Variants in DCC observed in about 807,000 individuals in gnomAD.
DCC encodes the protein DCC netrin 1 receptor.
In DCC, 58 loss-of-function variants were observed where a neutral mutation model predicts 172.5. The ratio of observed to expected loss-of-function variants is 0.34; its 90% CI spans 0.27 to 0.42. DCC has a LOEUF of 0.42. DCC is among the 10% of genes least tolerant of loss of function. The probability of loss-of-function intolerance (pLI) is 1.00; values close to 1 mark genes in which losing one functional copy is unlikely to be tolerated. For synonymous variants in DCC, 709 were observed against 644.5 expected, an observed-to-expected ratio of 1.10 and a Z score of -1.52; for missense variants, 1,740 against 1,791.0, an observed-to-expected ratio of 0.97 and a Z score of 0.51.
chr18:53,454,048 G>GA (rs1325651208), intron 23 of DCC, among the ~76,000 whole-genome samples: 21 of 152,206 alleles, frequency 1.4e-4, no homozygotes, highest in Middle Eastern at 3.4e-3. Context: ...ATCTAATACA[G>GA]AAAAAATTAT....
rs2057806104 is a variant in DCC at position 53,351,418 on chromosome 18, C to CTGTGTATATATATATAT, written c.2359+11511_2359+11512insTGTGTATATATATATAT. ...TATACAGTGTATATATATATATATA[C>CTGTGTATATATATATAT]ACACTGTGTATATATATATACAGTG... On this transcript the variant is annotated intron_variant, in intron 15 of 28. Transcript: ENST00000442544. Among the ~76,000 whole-genome samples, 25 of 19,278 alleles carry CTGTGTATATATATATAT rather than the reference C, an allele frequency of 1.3e-3. 4 individuals are homozygous for CTGTGTATATATATATAT. The highest frequency in any genetic ancestry group is 5.8e-3 in the South Asian group (3 of 516). The allele number at this position is 19,278 out of a possible 152,430, so 12.6% of individuals were successfully genotyped here.
Position 53,106,149 on chromosome 18 carries a change from A to G in DCC, c.1261+39983A>G, listed in dbSNP as rs552228283. ...ATCAGATTGTTTTCTCTTTCTTTCT[A>G]TTGAACTCTTTGGCAATTGGGCTTG... On this transcript the variant is annotated intron_variant, in intron 7 of 28. Coordinates refer to ENST00000442544, the MANE Select transcript of DCC (RefSeq NM_005215.4). Among the ~76,000 whole-genome samples, 14 of 151,904 alleles carry G rather than the reference A, an allele frequency of 9.2e-5. No homozygotes were observed. The East Asian group carries it at 1.2e-3, about 13-fold the overall frequency.
At position 53,435,162 on chromosome 18, in the gene DCC, G is replaced by A. The variant is rs150829547; in HGVS notation, c.3182G>A (p.Gly1061Asp). The A allele has an allele frequency of 6.2e-7, 1 of 1,611,418 alleles. No homozygotes were observed. Among genetic ancestry groups the A allele is most frequent in the Admixed American group, 1.7e-5 (1 of 60,016 alleles). ...TGAACAGGTCGTCATGGAGATGGAG[G>A]TTATTGGCCAGTTGATACTAATTTG... is the stretch of plus-strand genomic sequence containing the variant. ...ANDQGRHGDG[G>D]YWPVDTNLID... The change falls in exon 22 of 29, where the codon GGT (glycine) becomes GAT (aspartate). Residue 1061 changes from glycine to aspartate, a missense_variant. By Grantham distance (94) the Gly-to-Asp change is moderately conservative. Transcript: ENST00000442544.
intron 14 of DCC, among the ~76,000 whole-genome samples, chr18:53,333,704 T>G (rs1221860221): frequency 1.3e-5 from 2 of 152,144 alleles, no homozygotes; most frequent in African/African-American, 4.8e-5. Context: ...ACAATGTGGT[T>G]TGAGAACACC....
intron 2 of DCC, among the ~76,000 whole-genome samples, chr18:52,771,195 C>A (rs1274527641): frequency 6.6e-6 from 1 of 152,172 alleles, no homozygotes; most frequent in African/African-American, 2.4e-5. Flanking sequence ...AGCCCAGATG[C>A]ACGCACAGAA....
chr18:53,352,441 A>G (rs2057822824), intron 15 of DCC, among the ~76,000 whole-genome samples: 1 of 152,060 alleles, frequency 6.6e-6, no homozygotes. Flanking sequence ...TGAATACTTT[A>G]TCATTTATGA....
intron 14 of DCC, among the ~76,000 whole-genome samples, chr18:53,331,924 C>A (rs1366222753): frequency 6.6e-6 from 1 of 152,118 alleles, no homozygotes; most frequent in Non-Finnish European, 1.5e-5. Context: ...TACATTTTTC[C>A]CTCTTTTTCC....
intron 5 of DCC, among the ~76,000 whole-genome samples, chr18:53,048,489 TTGTGTGTGTGTGTGTG>T (rs71175550): frequency 7.9e-5 from 11 of 139,422 alleles, no homozygotes; most frequent in East Asian, 6.3e-4. Flanking sequence ...ACTCCATGGT[TTGTGTGTGTGTGTGTG>T]TGTGTGTGTG....
intron 5 of DCC, among the ~76,000 whole-genome samples, chr18:52,998,945 A>G (rs894279467): frequency 5.3e-5 from 8 of 152,078 alleles, no homozygotes. Flanking sequence ...AAACAATGTC[A>G]TATCAGATTT....
intron 1 of DCC, among the ~76,000 whole-genome samples, chr18:52,449,068 C>T (rs1453837805): frequency 6.6e-6 from 1 of 152,106 alleles, no homozygotes; most frequent in Non-Finnish European, 1.5e-5. Context: ...TGCCAGAAGG[C>T]AAGAAGGAGC....
chr18:52,564,700 A>G (rs777017072), intron 1 of DCC, among the ~76,000 whole-genome samples: 1 of 150,450 alleles, frequency 6.6e-6, no homozygotes, highest in South Asian at 2.1e-4. Context: ...CTCTTTCAGC[A>G]CTTGATGACA....
chr18:52,514,144 T>C (rs2031540699), intron 1 of DCC, among the ~76,000 whole-genome samples: 1 of 152,198 alleles, frequency 6.6e-6, no homozygotes, highest in African/African-American at 2.4e-5. Flanking sequence ...TCTCTCTGTA[T>C]ATATGTGTAT....
intron 1 of DCC, among the ~76,000 whole-genome samples, chr18:52,352,106 C>T (rs905081990): frequency 6.6e-6 from 1 of 152,218 alleles, no homozygotes; most frequent in African/African-American, 2.4e-5. Context: ...TCAACCTCTG[C>T]TTCCCAACTC....
chr18:52,402,451 A>G (rs1177598673), intron 1 of DCC, among the ~76,000 whole-genome samples: 1 of 151,538 alleles, frequency 6.6e-6, no homozygotes, highest in African/African-American at 2.4e-5. Context: ...CTTCCTTTCT[A>G]TTTTCTCCAT....
intron 1 of DCC, among the ~76,000 whole-genome samples, chr18:52,659,683 CA>C (rs1328091565): frequency 5.3e-5 from 8 of 152,250 alleles, no homozygotes; most frequent in African/African-American, 1.9e-4. Context: ...GCTTTTACTA[CA>C]ACTCAACAAA....
Position 53,437,590 on chromosome 18 carries a change from A to T in DCC, c.3229+2381A>T, listed in dbSNP as rs1435223477. 2.0e-5 allele frequency among the ~76,000 whole-genome samples: 3 copies of T among 147,618 alleles called. No individual in the cohort carries two copies. The East Asian group carries it at 5.9e-4, about 29-fold the overall frequency. ...AGAGCAAGGCTCCATCTCAAAAAAA[A>T]AAAAAAAAAAAAAAAAAAAAGCTCA... On this transcript the variant is annotated intron_variant, in intron 22 of 28. Coordinates refer to ENST00000442544, the MANE Select transcript of DCC (RefSeq NM_005215.4).
At chr18:53,085,162 G>A (rs2042860196) in intron 7 of DCC, among the ~76,000 whole-genome samples, 1 of 152,162 alleles carries the variant, frequency 6.6e-6, no homozygotes, top group South Asian at 2.1e-4. Context: ...ACAAGGAATT[G>A]CCCTCAGGTT....
intron 7 of DCC, among the ~76,000 whole-genome samples, chr18:53,133,731 C>T (rs1430264841): frequency 1.3e-5 from 2 of 152,132 alleles, no homozygotes; most frequent in African/African-American, 4.8e-5. Context: ...GCTTGAGAGC[C>T]ACTGTGCTGA....
rs573821260 is a variant in DCC at position 53,268,855 on chromosome 18, T to C, written c.1912-36723T>C. ...GGGCTTGGCCTGCAGTGAGGAACTG[T>C]AGGGAATGAGGATGGATGAGTGGAC... On this transcript the variant is annotated intron_variant, in intron 12 of 28. Transcript: ENST00000442544. Among the ~76,000 whole-genome samples the C allele has an allele frequency of 2.0e-5, 3 of 152,194 alleles. No homozygotes were observed. In the South Asian group the frequency reaches 6.2e-4, roughly 32 times the overall value.
Sources: gnomAD v4.1 joint callset for allele counts (sites outside exome capture counted in the v4.1 genomes callset) on GRCh38, gnomAD v4.1.1 for gene constraint, MANE v1.5 for transcripts, NCBI Gene and HGNC (gene_info 2026-07-23, HGNC 2026-07-21) for gene names.